YJU2: variants seen among roughly 807,000 people sequenced by gnomAD.
YJU2 encodes the protein YJU2 splicing factor homolog.
A neutral mutation model predicts 39.6 loss-of-function variants in YJU2; 28 were observed. The observed-to-expected ratio is 0.71, with a 90% CI of 0.52 to 0.97. The LOEUF is 0.97. YJU2 is among the 50% of genes least tolerant of loss of function. The pLI is 0.00. For synonymous variants in YJU2, 184 were observed against 182.4 expected (o/e 1.01, Z -0.07); for missense variants, 328 against 430.4 (o/e 0.76, Z 2.11).
intron 4 of YJU2, among the ~76,000 whole-genome samples, chr19:4,257,897 C>T (rs1034560325): frequency 6.6e-6 from 1 of 152,196 alleles, no homozygotes; most frequent in African/African-American, 2.4e-5. Context: ...GCCACTGTGC[C>T]TGGCCAAATT....
chr19:4,260,217 A>T lies in YJU2; in HGVS notation c.588-1777A>T, dbSNP rs892221585. Among the ~76,000 whole-genome samples the T allele has an allele frequency of 2.0e-5, 3 of 152,310 alleles. No homozygotes were observed. The South Asian group carries it at 6.2e-4, about 32-fold the overall frequency. ...GGCGGGCGGATCACCTGAGGTCAGC[A>T]GTTCGAGACCAGCCTGGCCAACATG... On this transcript the variant is annotated intron_variant, in intron 5 of 7. Coordinates refer to ENST00000262962, the MANE Select transcript of YJU2 (RefSeq NM_018074.6).
intron 1 of YJU2, among the ~76,000 whole-genome samples, chr19:4,247,594 T>G (rs779816867): frequency 1.1e-4 from 3 of 27,046 alleles, no homozygotes; most frequent in African/African-American, 3.5e-4. Context: ...TGTGTGTGTG[T>G]GTGTGTGTGT....
chr19:4,261,354 G>A (rs572500715), intron 5 of YJU2, among the ~76,000 whole-genome samples: 4 of 152,260 alleles, frequency 2.6e-5, no homozygotes, highest in East Asian at 1.9e-4. Flanking sequence ...AGCTGGACAC[G>A]GTGGTGCGTG....
At chr19:4,248,687 G>A (rs1028865913) in intron 1 of YJU2, among the ~76,000 whole-genome samples, 1 of 152,168 alleles carries the variant, frequency 6.6e-6, no homozygotes, top group Non-Finnish European at 1.5e-5. Context: ...GGGAGGCCAA[G>A]GCAGGTGGAT....
At chr19:4,267,472 G>A in intron 6 of YJU2, 152 bp from the exon 7 acceptor site, 1 of 774,516 alleles carries the variant, frequency 1.3e-6, no homozygotes, top group Non-Finnish European at 2.1e-6. Flanking sequence ...TAGGGCAGTG[G>A]GGAGCCATAG....
rs759602231 is a variant in YJU2, at chr19:4,268,699, C to T, written c.*3C>T. The T allele has an allele frequency of 1.2e-6, 2 of 1,603,564 alleles. No individual in the cohort carries two copies. The highest frequency in any genetic ancestry group is 3.3e-4 in the Middle Eastern group (2 of 6,056). Reference sequence around the variant, plus strand: ...ACGACAGCAACGGCAGCAACTGAGCCCTCCCAGGACCCCCTCACGGGGTCA... The same window carrying T: ...ACGACAGCAACGGCAGCAACTGAGCTCTCCCAGGACCCCCTCACGGGGTCA... On this transcript the variant is annotated 3_prime_UTR_variant, in exon 8 of 8. Transcript: ENST00000262962.
At chr19:4,268,347 C>T (rs887067493) in intron 7 of YJU2, among the ~76,000 whole-genome samples, 4 of 152,238 alleles carry the variant, frequency 2.6e-5, no homozygotes, top group Non-Finnish European at 5.9e-5. Flanking sequence ...TGGCAGCGCA[C>T]GTTGCCTGCC....
At chr19:4,252,241 G>T (rs149158551) in intron 3 of YJU2, among the ~76,000 whole-genome samples, 103 of 150,954 alleles carry the variant, frequency 6.8e-4, no homozygotes, top group African/African-American at 2.1e-3. Flanking sequence ...AAGTGGATCA[G>T]TTGAGGTCAG....
At chr19:4,247,645 GTGTGTGTGTGTGTGTGTGTGTGTGTGT>G in intron 1 of YJU2, among the ~76,000 whole-genome samples, 1 of 67,678 alleles carries the variant, frequency 1.5e-5, no homozygotes, top group East Asian at 5.2e-4. Context: ...GTGTGTGTGT[GTGTGTGTGTGTGTGTGTGTGTGTGTGT>G]GTGTGTGTGT....
chr19:4,267,540 G>T, intron 6 of YJU2, 84 bp from the exon 7 acceptor site: 1 of 1,403,384 alleles, frequency 7.1e-7, no homozygotes, highest in South Asian at 1.3e-5. Flanking sequence ...GTGGGCATGG[G>T]GCAGTGAGCA....
rs569349881 is a variant in YJU2, at chr19:4,266,118, T to C, written c.709-1506T>C. Among the ~76,000 whole-genome samples the C allele has an allele frequency of 7.2e-5, 11 of 152,176 alleles. No homozygotes were observed. In the South Asian group the frequency reaches 2.3e-3, roughly 32 times the overall value. ...ACAGGCGTGTGCCACCAAGCCTGGC[T>C]AATTTCTTGTATTTATAGTAGAGAC... On this transcript the variant is annotated intron_variant, in intron 6 of 7. Coordinates refer to ENST00000262962, the MANE Select transcript of YJU2 (RefSeq NM_018074.6).
At chr19:4,258,469 C>T in intron 5 of YJU2, 46 bp downstream of exon 5, 1 of 1,538,668 alleles carries the variant, frequency 6.5e-7, no homozygotes, top group Non-Finnish European at 8.8e-7. Context: ...CAGCCTCTGC[C>T]CCGGCAGGCG....
intron 1 of YJU2, among the ~76,000 whole-genome samples, chr19:4,248,873 C>T (rs994963195): frequency 1.4e-4 from 22 of 152,036 alleles, no homozygotes; most frequent in Non-Finnish European, 3.1e-4. Flanking sequence ...GAGCCAAGAT[C>T]GCGCCACTGG....
Position 4,254,401 on chromosome 19 carries a change from G to C in YJU2, c.317G>C (p.Arg106Pro). ...TDYTMEHGAT[R>P]NFQAEKLLEE... Reference sequence around the variant, plus strand: ...TACACCATGGAGCATGGAGCCACGCGGAATTTCCAGGCTGAGAAGCTCCTG... The same window carrying C: ...TACACCATGGAGCATGGAGCCACGCCGAATTTCCAGGCTGAGAAGCTCCTG... The change falls in exon 4 of 8, where the codon CGG becomes CCG. Residue 106 changes from arginine to proline, a missense_variant. This residue lies in a region of YJU2 where 84 missense variants were observed against 165.8 expected (regional missense o/e 0.51). Transcript: ENST00000262962. The C allele has an allele frequency of 6.2e-7, 1 of 1,613,850 alleles. No individual in the cohort carries two copies. Among genetic ancestry groups the C allele is most frequent in the South Asian group, 1.1e-5 (1 of 91,058 alleles).
intron 4 of YJU2, among the ~76,000 whole-genome samples, chr19:4,256,949 G>T (rs756277936): frequency 1.3e-5 from 2 of 152,212 alleles, no homozygotes; most frequent in African/African-American, 2.4e-5. Flanking sequence ...CAAGTAGCTT[G>T]TCCAGCCCCT....
At chr19:4,250,678 G>C (rs975169683) in intron 2 of YJU2, among the ~76,000 whole-genome samples, 1 of 152,076 alleles carries the variant, frequency 6.6e-6, no homozygotes, top group African/African-American at 2.4e-5. Context: ...GAGGGGAAGA[G>C]GGGGGTGGGG....
intron 6 of YJU2, among the ~76,000 whole-genome samples, chr19:4,265,205 C>G (rs1971106455): frequency 6.6e-6 from 1 of 152,026 alleles, no homozygotes; most frequent in African/African-American, 2.4e-5. Context: ...TTCACCCTAA[C>G]TTTTATAGGA....
chr19:4,264,738 C>T (rs184313890), intron 6 of YJU2, among the ~76,000 whole-genome samples: 70 of 152,150 alleles, frequency 4.6e-4, no homozygotes, highest in African/African-American at 1.6e-3. Context: ...TCACCTGACT[C>T]GGCCGCCCAA....
chr19:4,267,337 G>T (rs200996403), intron 6 of YJU2, among the ~76,000 whole-genome samples: 1 of 152,296 alleles, frequency 6.6e-6, no homozygotes, highest in South Asian at 2.1e-4. Context: ...TGGAAAAGGG[G>T]GCATCCCTGG....
Sources: gnomAD v4.1 joint callset for allele counts (sites outside exome capture counted in the v4.1 genomes callset) on GRCh38, gnomAD v4.1.1 for gene constraint, gnomAD v4.1.1 regional missense constraint, MANE v1.5 for transcripts, NCBI Gene and HGNC (gene_info 2026-07-23, HGNC 2026-07-21) for gene names.